The following AKT3 variants were observed in gnomAD, a reference collection of about 807,000 sequenced individuals.
AKT3 encodes AKT serine/threonine kinase 3.
AKT3 carries 15 observed loss-of-function variants against 65.3 expected under a neutral mutation model. The observed-to-expected ratio is 0.23, with a 90% CI of 0.15 to 0.35. AKT3 has a LOEUF of 0.35. Ranked by LOEUF, AKT3 falls within the 10% of genes least tolerant of loss-of-function variation. The probability of loss-of-function intolerance (pLI) is 1.00; values close to 1 mark genes in which losing one functional copy is unlikely to be tolerated. For missense variants in AKT3, 243 were observed against 576.5 expected (o/e 0.42, Z 5.92); for synonymous variants, 206 against 183.8 (o/e 1.12, Z -0.98).
chr1:243,552,722 G>A lies in AKT3; in HGVS notation c.1163+7C>T, dbSNP rs1263368810. 2 of 1,610,494 alleles carry A rather than the reference G, an allele frequency of 1.2e-6. No individual in the cohort carries two copies. The highest frequency in any genetic ancestry group is 1.7e-6 in the Non-Finnish European group (2 of 1,177,430). ...CAGTAATTCACTAAGCGTTATTTGA[G>A]GCTTACCGTTTATTTGGATCCTTTA... On this transcript the variant is annotated splice_region_variant and intron_variant, in intron 11 of 13. Transcript: ENST00000673466.
chr1:243,652,120 C>T (rs1468783671), intron 4 of AKT3, among the ~76,000 whole-genome samples: 1 of 150,562 alleles, frequency 6.6e-6, no homozygotes, highest in East Asian at 2.0e-4. Context: ...GCAATCTTGG[C>T]TCACTGCAAC....
intron 9 of AKT3, among the ~76,000 whole-genome samples, chr1:243,569,132 T>C (rs1216111061): frequency 6.6e-6 from 1 of 152,152 alleles, no homozygotes; most frequent in African/African-American, 2.4e-5. Context: ...AGTAAGGAAT[T>C]CCTACTCTGC....
intron 3 of AKT3, among the ~76,000 whole-genome samples, chr1:243,671,847 T>C (rs1683174136): frequency 1.3e-5 from 2 of 152,322 alleles, no homozygotes; most frequent in South Asian, 4.1e-4. Flanking sequence ...CTGTGAGTCA[T>C]TATATAAGGA....
At chr1:243,494,013 A>G (rs556139423) in intron 13 of AKT3, among the ~76,000 whole-genome samples, 5 of 152,224 alleles carry the variant, frequency 3.3e-5, no homozygotes, top group African/African-American at 1.2e-4. Context: ...CACCTAATTT[A>G]CTGTGGTCCT....
intron 3 of AKT3, among the ~76,000 whole-genome samples, chr1:243,668,383 C>T (rs1388102281): frequency 6.6e-6 from 1 of 151,816 alleles, no homozygotes; most frequent in African/African-American, 2.4e-5. Context: ...GGCCCAAATG[C>T]AATTAGGAGT....
chr1:243,710,006 T>TA (rs1686045678), intron 2 of AKT3, among the ~76,000 whole-genome samples: 1 of 152,118 alleles, frequency 6.6e-6, no homozygotes, highest in Non-Finnish European at 1.5e-5. Context: ...TAAAACACAT[T>TA]AAAAAATTTA....
chr1:243,490,357 C>T (rs377223520), intron 13 of AKT3, among the ~76,000 whole-genome samples: 1 of 152,240 alleles, frequency 6.6e-6, no homozygotes, highest in African/African-American at 2.4e-5. Context: ...GCCACAGCCG[C>T]ACTGCCACAG....
intron 2 of AKT3, chr1:243,702,745 G>A (rs1685547553): frequency 6.6e-6 from 1 of 152,112 alleles, no homozygotes; most frequent in Non-Finnish European, 1.5e-5. Context: ...GAAATGAAGA[G>A]GTTATCCAAC....
At chr1:243,581,178 T>A (rs533036959) in intron 8 of AKT3, among the ~76,000 whole-genome samples, 1 of 152,328 alleles carries the variant, frequency 6.6e-6, no homozygotes, top group Non-Finnish European at 1.5e-5. Flanking sequence ...CACTAGTGCC[T>A]GTGTCTGTCA....
At chr1:243,719,931 A>G (rs191561579) in intron 2 of AKT3, among the ~76,000 whole-genome samples, 1 of 152,222 alleles carries the variant, frequency 6.6e-6, no homozygotes, top group Non-Finnish European at 1.5e-5. Context: ...AATCTCTGCT[A>G]CACTGAACAT....
Position 243,505,049 on chromosome 1 carries a change from T to C in AKT3, c.*200A>G, listed in dbSNP as rs1669577484. On this transcript the variant is annotated 3_prime_UTR_variant, in exon 14 of 14. Transcript: ENST00000673466. ...GACCTTAGACTGAGATACAATTTCA[T>C]GCAAAAACAAAAACTGGAGTGTATT... 3.6e-6 allele frequency: 2 copies of C among 551,282 alleles called. No individual in the cohort carries two copies. The highest frequency in any genetic ancestry group is 6.4e-6 in the Non-Finnish European group (2 of 310,752). 34.1% of individuals were successfully genotyped at this position (551,282 alleles called of 1,614,324 possible).
At chr1:243,593,540 AG>A in intron 8 of AKT3, among the ~76,000 whole-genome samples, 1 of 152,170 alleles carries the variant, frequency 6.6e-6, no homozygotes, top group Admixed American at 6.5e-5. Context: ...TACAAAAATT[AG>A]CTGGGTGCAG....
chr1:243,575,760 CAA>C (rs1674893919), intron 8 of AKT3, among the ~76,000 whole-genome samples: 1 of 151,880 alleles, frequency 6.6e-6, no homozygotes, highest in Non-Finnish European at 1.5e-5. Context: ...GAAAAATCTC[CAA>C]AAAAGTGCTA....
chr1:243,681,018 A>G (rs1422997418), intron 3 of AKT3, among the ~76,000 whole-genome samples: 1 of 152,150 alleles, frequency 6.6e-6, no homozygotes, highest in Non-Finnish European at 1.5e-5. Context: ...GCCCTACTGT[A>G]AGGTAGTCAG....
chr1:243,833,693 G>A (rs1694691424), intron 2 of AKT3, among the ~76,000 whole-genome samples: 1 of 151,794 alleles, frequency 6.6e-6, no homozygotes, highest in African/African-American at 2.4e-5. Flanking sequence ...AAAATGAAAT[G>A]ACATATTTAA....
At chr1:243,625,013 G>C (rs1252194870) in intron 6 of AKT3, 3 of 363,102 alleles carry the variant, frequency 8.3e-6, no homozygotes, top group African/African-American at 6.4e-5. Flanking sequence ...ACTCATCAAA[G>C]TTCTGTCGGT....
At chr1:243,693,769 C>A (rs569916111) in intron 3 of AKT3, among the ~76,000 whole-genome samples, 3 of 152,138 alleles carry the variant, frequency 2.0e-5, no homozygotes, top group Middle Eastern at 3.4e-3. Context: ...TTGAAGATTG[C>A]GGTAAGTCAA....
chr1:243,758,524 C>A (rs1689284223), intron 2 of AKT3, among the ~76,000 whole-genome samples: 1 of 152,078 alleles, frequency 6.6e-6, no homozygotes. Context: ...TAATGAGGAG[C>A]CAGATCATCT....
chr1:243,669,051 ATTATACTAAT>A (rs74162704), intron 3 of AKT3, among the ~76,000 whole-genome samples: 83,222 of 151,614 alleles, frequency 0.55, 26,174 homozygotes, highest in Non-Finnish European at 0.71. Context: ...TACCAAAGAC[ATTATACTAAT>A]TTATACTAAT....
Sources: gnomAD v4.1 joint callset for allele counts (sites outside exome capture counted in the v4.1 genomes callset) on GRCh38, gnomAD v4.1.1 for gene constraint, MANE v1.5 for transcripts, NCBI Gene and HGNC (gene_info 2026-07-23, HGNC 2026-07-21) for gene names.